Variants in ARMC8 observed in about 807,000 individuals in gnomAD.
The protein encoded by ARMC8 is armadillo repeat-containing protein 8.
Under a neutral mutation model 99.3 loss-of-function variants are expected in ARMC8, and 20 were observed. The observed-to-expected ratio is 0.20, with a 90% confidence interval of 0.14 to 0.29. ARMC8 has a LOEUF of 0.29. Ranked by LOEUF, ARMC8 falls within the 10% of genes least tolerant of loss-of-function variation. The pLI, the probability that ARMC8 is intolerant of heterozygous loss-of-function variation, is 1.00. For synonymous variants in ARMC8, 263 were observed against 278.3 expected (o/e 0.95, Z 0.55); for missense variants, 569 against 809.5 (o/e 0.70, Z 3.60).
intron 16 of ARMC8, among the ~76,000 whole-genome samples, chr3:138,270,532 G>A (rs944448219): frequency 6.6e-6 from 1 of 152,086 alleles, no homozygotes. Context: ...TATAGATGAA[G>A]TAAACTAAGG....
At chr3:138,188,391 T>A (rs538538896) in intron 1 of ARMC8, 545 of 1,489,088 alleles carry the variant, frequency 3.7e-4, no homozygotes, top group African/African-American at 3.0e-3. Context: ...TTTTTTTTTT[T>A]TAAAAAAAGT....
intron 18 of ARMC8, among the ~76,000 whole-genome samples, chr3:138,278,836 C>T (rs2049574630): frequency 1.3e-5 from 2 of 152,046 alleles, no homozygotes; most frequent in South Asian, 2.1e-4. Flanking sequence ...TTTAAAATTT[C>T]GATTTCCAGT....
In ARMC8 at chr3:138,229,018, C is replaced by A; in HGVS notation, c.528+8C>A. ...TTCTCACACTGCTGTAAAGTAAGAA[C>A]CAGAATAAATGTTATCTATAATGTA... On this transcript the variant is annotated splice_region_variant and intron_variant, in intron 6 of 21. Transcript: ENST00000469044. 6.3e-7 allele frequency: 1 copy of A among 1,588,872 alleles called. No individual in the cohort carries two copies. The highest frequency in any genetic ancestry group is 8.6e-7 in the Non-Finnish European group (1 of 1,162,344).
intron 11 of ARMC8, among the ~76,000 whole-genome samples, chr3:138,243,800 A>G (rs146424737): frequency 6.6e-6 from 1 of 152,222 alleles, no homozygotes; most frequent in Non-Finnish European, 1.5e-5. Context: ...TTTCTAGCTA[A>G]TAATACCAGT....
chr3:138,255,795 C>T (rs2047370596), intron 12 of ARMC8, among the ~76,000 whole-genome samples: 1 of 152,174 alleles, frequency 6.6e-6, no homozygotes, highest in Non-Finnish European at 1.5e-5. Context: ...GCCTGGCCAA[C>T]ATGGTGAAAC....
intron 2 of ARMC8, among the ~76,000 whole-genome samples, chr3:138,214,348 A>AT (rs879828687): frequency 1.2e-3 from 172 of 145,620 alleles, no homozygotes; most frequent in African/African-American, 2.7e-3. Flanking sequence ...GAATCATGTG[A>AT]TTTTTTTTTT....
chr3:138,215,196 G>A (rs113831998), intron 2 of ARMC8, among the ~76,000 whole-genome samples: 5 of 151,950 alleles, frequency 3.3e-5, no homozygotes, highest in African/African-American at 9.6e-5. Context: ...ATATATTTGC[G>A]TGCATATGTG....
intron 1 of ARMC8, among the ~76,000 whole-genome samples, chr3:138,205,607 G>A (rs1395796145): frequency 6.6e-6 from 1 of 151,982 alleles, no homozygotes; most frequent in Non-Finnish European, 1.5e-5. Context: ...CTCCACACGT[G>A]TCTGTTCCTA....
chr3:138,215,981 C>T (rs1010971723), intron 2 of ARMC8, among the ~76,000 whole-genome samples: 1 of 151,700 alleles, frequency 6.6e-6, no homozygotes, highest in South Asian at 2.1e-4. Flanking sequence ...CTGCCTCAGC[C>T]TCCCGAGTAG....
chr3:138,292,182 C>T (rs1418820352), intron 21 of ARMC8, among the ~76,000 whole-genome samples: 2 of 152,124 alleles, frequency 1.3e-5, no homozygotes, highest in Non-Finnish European at 2.9e-5. Flanking sequence ...GGATTACAGG[C>T]GCCTGCCACC....
At chr3:138,231,926 A>G (rs2046057436) in intron 6 of ARMC8, among the ~76,000 whole-genome samples, 1 of 125,310 alleles carries the variant, frequency 8.0e-6, no homozygotes, top group African/African-American at 3.1e-5. Flanking sequence ...CCTCCTCACT[A>G]GTTGGTTCAG....
At chr3:138,229,534 A>G (rs2045930533) in intron 6 of ARMC8, among the ~76,000 whole-genome samples, 1 of 152,004 alleles carries the variant, frequency 6.6e-6, no homozygotes, top group Non-Finnish European at 1.5e-5. Context: ...ATTTTACCAC[A>G]TTTTTAAATA....
intron 5 of ARMC8, 199 bp from the exon 6 acceptor site, chr3:138,228,719 T>C (rs1317930832): frequency 1.8e-6 from 1 of 549,494 alleles, no homozygotes; most frequent in Admixed American, 2.2e-5. Context: ...CAGGGATGAA[T>C]ATTGAAGCCT....
chr3:138,260,848 T>C (rs2047676689), intron 12 of ARMC8, among the ~76,000 whole-genome samples: 1 of 152,222 alleles, frequency 6.6e-6, no homozygotes, highest in Non-Finnish European at 1.5e-5. Flanking sequence ...AGTAACCATG[T>C]GTTCAATCCA....
intron 21 of ARMC8, among the ~76,000 whole-genome samples, chr3:138,291,591 A>G (rs2050958442): frequency 1.3e-5 from 2 of 152,252 alleles, no homozygotes; most frequent in Non-Finnish European, 2.9e-5. Flanking sequence ...AATACGTAAC[A>G]CAGTATCAGG....
intron 12 of ARMC8, chr3:138,262,725 C>G (rs780260377): frequency 2.3e-6 from 2 of 886,604 alleles, no homozygotes; most frequent in Admixed American, 3.3e-5. Context: ...GCAAGGACAA[C>G]CAAGGTTAAG....
At chr3:138,224,644 G>A (rs2045588203) in intron 5 of ARMC8, among the ~76,000 whole-genome samples, 2 of 152,232 alleles carry the variant, frequency 1.3e-5, no homozygotes, top group East Asian at 1.9e-4. Context: ...CCAGCTACTC[G>A]GGAGGCTGAG....
chr3:138,228,793 TAAG>T, intron 5 of ARMC8, 122 bp from the exon 6 acceptor site: 1 of 629,844 alleles, frequency 1.6e-6, no homozygotes, highest in Non-Finnish European at 2.9e-6. Context: ...CACTGTGCCT[TAAG>T]GAGACTTGAT....
chr3:138,217,194 C>T (rs1347745695), intron 2 of ARMC8, among the ~76,000 whole-genome samples: 1 of 152,094 alleles, frequency 6.6e-6, no homozygotes, highest in Admixed American at 6.5e-5. Context: ...ATATCCCCGT[C>T]GTCAAATAAT....
Sources: allele counts gnomAD v4.1 joint callset (sites outside exome capture counted in the v4.1 genomes callset), GRCh38; gene constraint gnomAD v4.1.1; transcripts MANE v1.5; gene names NCBI Gene and HGNC (gene_info 2026-07-23, HGNC 2026-07-21).